CIZ1: variants seen among roughly 807,000 people sequenced by gnomAD.
CIZ1 encodes the protein CDKN1A interacting zinc finger protein 1.
A neutral mutation model predicts 118.6 loss-of-function variants in CIZ1; 58 were observed. The ratio of observed to expected loss-of-function variants is 0.49; its 90% confidence interval spans 0.40 to 0.61. The LOEUF (loss-of-function observed/expected upper bound fraction) is 0.61. Ranked by LOEUF, CIZ1 falls within the 20% of genes least tolerant of loss-of-function variation. CIZ1 has a pLI of 0.00. For synonymous variants in CIZ1, 448 were observed against 443.4 expected (o/e 1.01, Z -0.13); for missense variants, 921 against 1,115.9 (o/e 0.83, Z 2.49).
Position 128,185,578 on chromosome 9 carries a change from C to T in CIZ1, c.557G>A (p.Arg186Gln), listed in dbSNP as rs370523965. Residue 186 changes from arginine to glutamine, a missense_variant, in exon 5 of 17, where the codon CGG becomes CAG. Arg to Gln is a conservative substitution (Grantham distance 43). Coordinates refer to ENST00000372938, the MANE Select transcript of CIZ1 (RefSeq NM_001131016.2). ...ATTGGGGGTGGTAGAGGAGGAGGTC[C>T]GGGCCTGTTTCTGGGGGTTCCGTCC... ...LSGRNPQKQA[R>Q]TSSSTTPNRK... The T allele has an allele frequency of 1.7e-5, 26 of 1,527,212 alleles. No homozygotes were observed. The highest frequency in any genetic ancestry group is 2.0e-5 in the Non-Finnish European group (23 of 1,137,048). 94.6% of individuals were successfully genotyped at this position (1,527,212 alleles called of 1,614,324 possible).
At chr9:128,169,690 G>T in intron 12 of CIZ1, 171 bp from the exon 13 acceptor site, 1 of 1,536,766 alleles carries the variant, frequency 6.5e-7, no homozygotes, top group South Asian at 1.2e-5. Context: ...ATCTCTTCGT[G>T]GTGTGGGTGG....
chr9:128,198,986 C>G (rs1188821023), intron 1 of CIZ1, among the ~76,000 whole-genome samples: 1 of 152,052 alleles, frequency 6.6e-6, no homozygotes, highest in East Asian at 1.9e-4. Context: ...ATCTTGACTC[C>G]ATCATTTCTT....
intron 9 of CIZ1, 140 bp downstream of exon 9, chr9:128,178,229 A>T: frequency 9.4e-7 from 1 of 1,066,460 alleles, no homozygotes; most frequent in Non-Finnish European, 1.4e-6. Context: ...CTGGCCACCC[A>T]TCCTAGGCAG....
chr9:128,202,022 G>A (rs938320321), intron 1 of CIZ1, among the ~76,000 whole-genome samples: 5 of 152,190 alleles, frequency 3.3e-5, no homozygotes, highest in African/African-American at 9.7e-5. Flanking sequence ...CAGGGCCATC[G>A]TTATTGCCCT....
chr9:128,173,817 T>G (rs145131357), intron 11 of CIZ1, among the ~76,000 whole-genome samples: 1 of 151,810 alleles, frequency 6.6e-6, no homozygotes. Flanking sequence ...CCATCCTGGC[T>G]AACACAGAGA....
At chr9:128,189,983 G>T (rs1474945798) in intron 3 of CIZ1, among the ~76,000 whole-genome samples, 55 of 152,166 alleles carry the variant, frequency 3.6e-4, no homozygotes, top group Non-Finnish European at 1.5e-5. Context: ...AGAGGCCCAG[G>T]CATCGGCCCA....
At chr9:128,197,532 G>A (rs1833405730) in intron 1 of CIZ1, 1 of 152,304 alleles carries the variant, frequency 6.6e-6, no homozygotes, top group African/African-American at 2.4e-5. Context: ...TAAATGGAGT[G>A]TGAAAGGCAG....
intron 11 of CIZ1, among the ~76,000 whole-genome samples, chr9:128,170,868 C>T (rs994197900): frequency 1.3e-5 from 2 of 152,182 alleles, no homozygotes; most frequent in African/African-American, 4.8e-5. Context: ...GGCATAGTGG[C>T]TCACACCTGT....
Position 128,169,442 on chromosome 9 carries a change from G to A in CIZ1, c.2109C>T (p.His703=), listed in dbSNP as rs747018616. 5.6e-6 allele frequency: 9 copies of A among 1,614,156 alleles called. No homozygotes were observed. The highest frequency in any genetic ancestry group is 1.6e-4 in the Middle Eastern group (1 of 6,062). Residue 703 remains histidine, a synonymous_variant, in exon 13 of 17, where the codon CAC becomes CAT. Transcript: ENST00000372938. ...YFKTPRKFVE[H]VKSQGHKDKA... is the part of the protein sequence containing the mutation. ...TGTCCTTATGCCCCTGGGACTTCAC[G>A]TGCTCCACAAACTTGCGAGGGGTTT...
intron 11 of CIZ1, among the ~76,000 whole-genome samples, chr9:128,173,676 C>T (rs1002808111): frequency 6.6e-6 from 1 of 152,106 alleles, no homozygotes; most frequent in Non-Finnish European, 1.5e-5. Flanking sequence ...AACAGGCAGA[C>T]ACCTTGTGCC....
At position 128,166,087 on chromosome 9, in the gene CIZ1, T is replaced by G; in HGVS notation, c.*110A>C. 1 of 795,628 alleles carries G rather than the reference T, an allele frequency of 1.3e-6. No homozygotes were observed. The highest frequency in any genetic ancestry group is 1.9e-6 in the Non-Finnish European group (1 of 538,192). 49.3% of individuals were successfully genotyped at this position (795,628 alleles called of 1,614,324 possible). On this transcript the variant is annotated 3_prime_UTR_variant, in exon 17 of 17. Transcript: ENST00000372938. The surrounding 1 kb of genome is among the most constrained non-coding windows in gnomAD (Gnocchi z 4.4). ...AACTGCACAGCCAAACTACCTTGTT[T>G]TATTGGATTTTGAGTAAAAACATGA...
At chr9:128,169,605 T>TC (rs946697075) in intron 12 of CIZ1, 86 bp from the exon 13 acceptor site, 8 of 1,572,122 alleles carry the variant, frequency 5.1e-6, no homozygotes, top group South Asian at 4.6e-5. Flanking sequence ...AGAGCTCACC[T>TC]CCCCCGGGCA....
At chr9:128,191,713 G>T, upstream of CIZ1, 4 of 1,313,488 alleles carry the variant, frequency 3.0e-6, no homozygotes, top group South Asian at 7.9e-5. The surrounding 1 kb of genome is among the most constrained non-coding windows in gnomAD (Gnocchi z 5.5). Context: ...GGTGCGAGGG[G>T]GTCCTGGGCG....
rs781269897 is a variant in CIZ1 at position 128,187,855 on chromosome 9, T to C, written c.358+8A>G. 3 of 697,644 alleles carry C rather than the reference T, an allele frequency of 4.3e-6. No homozygotes were observed. The highest frequency in any genetic ancestry group is 2.5e-5 in the East Asian group (1 of 39,470). 43.2% of individuals were successfully genotyped at this position (697,644 alleles called of 1,614,324 possible). A position where few individuals can be genotyped will look rare whatever the true frequency, so the allele number is the denominator to read the frequency against. ...CATTTATATATATATATAAAAAGCA[T>C]ATAATACCCAGTGTTGCTGTGGGCA... On this transcript the variant is annotated splice_region_variant and intron_variant, in intron 4 of 16. Coordinates refer to ENST00000372938, the MANE Select transcript of CIZ1 (RefSeq NM_001131016.2).
In CIZ1 at chr9:128,176,422, G is replaced by T; in HGVS notation, c.1872C>A (p.Ile624=). The change falls in exon 11 of 17, where the codon ATC becomes ATA. Residue 624 remains isoleucine, a synonymous_variant. Coordinates refer to ENST00000372938, the MANE Select transcript of CIZ1 (RefSeq NM_001131016.2). ...EPQHQQRLGE[I]QHMSQACLLS... Reference sequence around the variant, plus strand: ...GGAGGCAGGCTTGGCTCATGTGCTGGATCTCCCCTAGCCGCTGCTGGTGCT... The same window carrying T: ...GGAGGCAGGCTTGGCTCATGTGCTGTATCTCCCCTAGCCGCTGCTGGTGCT... The T allele has an allele frequency of 1.9e-6, 3 of 1,614,008 alleles. No homozygotes were observed. The highest frequency in any genetic ancestry group is 1.7e-6 in the Non-Finnish European group (2 of 1,180,026).
At chr9:128,184,003 A>G (rs953356911) in intron 5 of CIZ1, among the ~76,000 whole-genome samples, 1 of 152,138 alleles carries the variant, frequency 6.6e-6, no homozygotes, top group Non-Finnish European at 1.5e-5. Context: ...CCTGACCTCA[A>G]ATGATCTGCC....
chr9:128,173,354 C>T (rs1453786489), intron 11 of CIZ1, among the ~76,000 whole-genome samples: 1 of 151,796 alleles, frequency 6.6e-6, no homozygotes, highest in Non-Finnish European at 1.5e-5. Flanking sequence ...ACCGTGTTAG[C>T]CATGATGGTC....
chr9:128,172,797 T>C (rs1304299965), intron 11 of CIZ1, among the ~76,000 whole-genome samples: 1 of 152,228 alleles, frequency 6.6e-6, no homozygotes, highest in Admixed American at 6.5e-5. Context: ...CTCATGTGTC[T>C]GTGTCCTTGT....
At position 128,166,128 on chromosome 9, in the gene CIZ1, C is replaced by G. The variant is rs1292439719; in HGVS notation, c.*69G>C. On this transcript the variant is annotated 3_prime_UTR_variant, in exon 17 of 17. Coordinates refer to ENST00000372938, the MANE Select transcript of CIZ1 (RefSeq NM_001131016.2). This position sits in a 1 kb window ranked among gnomAD's most constrained non-coding sequence, Gnocchi z 4.4. The stretch of plus-strand genomic sequence containing the variant: ...AAAAACATGAACCATGTCAAAGTTT[C>G]CAGGCAGACTCCTAAAAAGCATTAG... 4 of 1,122,812 alleles carry G rather than the reference C, an allele frequency of 3.6e-6. No individual in the cohort carries two copies. Among genetic ancestry groups the G allele is most frequent in the Non-Finnish European group, 4.8e-6 (4 of 825,186 alleles). 69.6% of individuals were successfully genotyped at this position (1,122,812 alleles called of 1,614,324 possible).
Sources: gnomAD v4.1 joint callset for allele counts (sites outside exome capture counted in the v4.1 genomes callset) on GRCh38, gnomAD v4.1.1 for gene constraint, Gnocchi (gnomAD v3.1) non-coding constraint, MANE v1.5 for transcripts, NCBI Gene and HGNC (gene_info 2026-07-23, HGNC 2026-07-21) for gene names.